Variants in SMIM41 observed in about 807,000 individuals in gnomAD.
SMIM41 encodes the protein small integral membrane protein 41.
At chr12:52,098,729 T>A (rs1940152705) in intron 2 of SMIM41, among the ~76,000 whole-genome samples, 1 of 83,626 alleles carries the variant, frequency 1.2e-5, no homozygotes, top group South Asian at 3.5e-4. Flanking sequence ...TTAGGAACAA[T>A]ATCACGGGGG....
intron 1 of SMIM41, chr12:52,082,219 G>A (rs1939829064): frequency 6.6e-6 from 1 of 152,362 alleles, no homozygotes; most frequent in South Asian, 2.1e-4. Flanking sequence ...CAGGGCCGAA[G>A]GCTGATGACC....
At chr12:52,085,148 C>T (rs1939875520) in intron 2 of SMIM41, among the ~76,000 whole-genome samples, 1 of 152,190 alleles carries the variant, frequency 6.6e-6, no homozygotes, top group Admixed American at 6.5e-5. Context: ...AGCGTATTGT[C>T]CCATGTAACT....
chr12:52,091,492 C>G (rs1261868694), intron 2 of SMIM41, among the ~76,000 whole-genome samples: 2 of 152,208 alleles, frequency 1.3e-5, no homozygotes, highest in Non-Finnish European at 2.9e-5. Flanking sequence ...GTGGATGTGT[C>G]TGCTTCTTGG....
intron 2 of SMIM41, among the ~76,000 whole-genome samples, chr12:52,093,942 C>G (rs1233693288): frequency 6.6e-6 from 1 of 151,910 alleles, no homozygotes; most frequent in African/African-American, 2.4e-5. Context: ...AACAGCCTGG[C>G]CAACATGGTG....
At chr12:52,097,218 G>A (rs1940114604) in intron 2 of SMIM41, among the ~76,000 whole-genome samples, 2 of 152,042 alleles carry the variant, frequency 1.3e-5, no homozygotes, top group South Asian at 4.1e-4. Context: ...CCCAGGGGGT[G>A]TATAGTATCC....
chr12:52,102,498 T>A (rs1476155567), intron 2 of SMIM41, among the ~76,000 whole-genome samples: 1 of 152,138 alleles, frequency 6.6e-6, no homozygotes. Flanking sequence ...GAGGCTGATA[T>A]CCATCATATA....
chr12:52,099,906 G>C (rs1416277149), intron 2 of SMIM41, among the ~76,000 whole-genome samples: 1 of 151,804 alleles, frequency 6.6e-6, no homozygotes, highest in Non-Finnish European at 1.5e-5. Context: ...GTACACCCTG[G>C]TGATATTGGG....
chr12:52,097,680 G>C (rs1482197141), intron 2 of SMIM41, among the ~76,000 whole-genome samples: 1 of 152,088 alleles, frequency 6.6e-6, no homozygotes, highest in African/African-American at 2.4e-5. Context: ...TATCACAGGG[G>C]CGTGTATTCC....
intron 2 of SMIM41, among the ~76,000 whole-genome samples, chr12:52,091,496 T>C (rs932852902): frequency 1.3e-5 from 2 of 152,250 alleles, no homozygotes; most frequent in African/African-American, 4.8e-5. Context: ...ATGTGTCTGC[T>C]TCTTGGACCG....
At chr12:52,095,509 C>T (rs1398469502) in intron 2 of SMIM41, among the ~76,000 whole-genome samples, 1 of 152,118 alleles carries the variant, frequency 6.6e-6, no homozygotes, top group Non-Finnish European at 1.5e-5. Flanking sequence ...ATCCTGTTCC[C>T]CCTGGATATT....
chr12:52,103,557 G>A (rs1007144628), intron 2 of SMIM41, among the ~76,000 whole-genome samples: 3 of 151,464 alleles, frequency 2.0e-5, no homozygotes, highest in South Asian at 4.2e-4. Flanking sequence ...TCAGGAGTTC[G>A]AGACCAGCCT....
Position 52,107,604 on chromosome 12 carries a change from A to G in SMIM41, c.*421A>G. The stretch of plus-strand genomic sequence containing the variant: ...GGACATCCAGTCTCGCAGCAGAGTC[A>G]TCTCCTATGCAGGCTGCCTGACTCA... On this transcript the variant is annotated 3_prime_UTR_variant, in exon 3 of 3. Transcript: ENST00000546390. The G allele has an allele frequency of 1.6e-6, 1 of 641,494 alleles. No individual in the cohort carries two copies. The highest frequency in any genetic ancestry group is 2.9e-6 in the Non-Finnish European group (1 of 341,982). The allele number at this position is 641,494 out of a possible 1,614,324, so 39.7% of individuals were successfully genotyped here. A position where few individuals can be genotyped will look rare whatever the true frequency, so the allele number is the denominator to read the frequency against.
At chr12:52,102,374 T>G (rs569439996) in intron 2 of SMIM41, among the ~76,000 whole-genome samples, 5 of 152,334 alleles carry the variant, frequency 3.3e-5, no homozygotes, top group Admixed American at 3.3e-4. Flanking sequence ...AAAATTAGAT[T>G]CCTTGGATTA....
intron 2 of SMIM41, among the ~76,000 whole-genome samples, chr12:52,090,739 A>G (rs1046532079): frequency 1.3e-5 from 2 of 152,232 alleles, no homozygotes; most frequent in Non-Finnish European, 2.9e-5. Context: ...CAGAGAGGAA[A>G]GACTGGGCAG....
chr12:52,096,553 T>C (rs1940098544), intron 2 of SMIM41, among the ~76,000 whole-genome samples: 1 of 151,702 alleles, frequency 6.6e-6, no homozygotes, highest in African/African-American at 2.4e-5. Flanking sequence ...AAATAATTGA[T>C]AATAAAAAGT....
At chr12:52,103,682 T>C (rs917965601) in intron 2 of SMIM41, among the ~76,000 whole-genome samples, 17 of 151,918 alleles carry the variant, frequency 1.1e-4, no homozygotes, top group African/African-American at 3.1e-4. Context: ...TCGCTTGAAC[T>C]TGTGGAGGTT....
rs1390763038 is a variant in SMIM41 at position 52,099,633 on chromosome 12, C to T, written c.*196-7746C>T. On this transcript the variant is annotated intron_variant, in intron 2 of 2. Coordinates refer to ENST00000546390, the MANE Select transcript of SMIM41 (RefSeq NM_001369216.1). ...TTGGTAGTGATATCGTTCCCTCCTT[C>T]CCTGGATATTAGGAACAACATTACA... Among the ~76,000 whole-genome samples, 5 of 151,998 alleles carry T rather than the reference C, an allele frequency of 3.3e-5. No individual in the cohort carries two copies. In the East Asian group the frequency reaches 5.8e-4, roughly 18 times the overall value.
chr12:52,092,020 C>G (rs530127969), intron 2 of SMIM41: 6 of 152,220 alleles, frequency 3.9e-5, no homozygotes, highest in African/African-American at 7.2e-5. Context: ...TTTCTCCCAG[C>G]GTGCAGGCGG....
chr12:52,087,400 G>A (rs765995088), intron 2 of SMIM41, among the ~76,000 whole-genome samples: 41 of 152,134 alleles, frequency 2.7e-4, no homozygotes, highest in Non-Finnish European at 5.4e-4. Flanking sequence ...CACGCTTGCC[G>A]TCCCCACTTC....
Sources: gnomAD v4.1 joint callset for allele counts (sites outside exome capture counted in the v4.1 genomes callset) on GRCh38, gnomAD v4.1.1 for gene constraint, MANE v1.5 for transcripts, NCBI Gene and HGNC (gene_info 2026-07-23, HGNC 2026-07-21) for gene names.